The following CEP63 variants were observed in gnomAD, a reference collection of about 807,000 sequenced individuals.
CEP63 encodes centrosomal protein of 63 kDa.
A neutral mutation model predicts 89.1 loss-of-function variants in CEP63; 84 were observed. The ratio of observed to expected loss-of-function variants is 0.94; its 90% CI spans 0.79 to 1.13. The LOEUF (loss-of-function observed/expected upper bound fraction) is 1.13. Among genes scored for constraint, CEP63 ranks in the 50% most tolerant of loss-of-function variants. The probability of loss-of-function intolerance (pLI) is 0.00; values close to 1 mark genes in which losing one functional copy is unlikely to be tolerated. For synonymous variants in CEP63, 267 were observed against 272.5 expected (o/e 0.98, Z 0.20); for missense variants, 838 against 813.3 (o/e 1.03, Z -0.37).
chr3:134,616,085 T>A, the CEP63 span, among the ~76,000 whole-genome samples: 2 of 152,192 alleles, frequency 1.3e-5, no homozygotes, highest in African/African-American at 2.4e-5. Flanking sequence ...GTCTGGGGAA[T>A]TAAGCTTGGC....
the CEP63 span, among the ~76,000 whole-genome samples, chr3:134,638,424 A>C: frequency 3.3e-5 from 5 of 152,308 alleles, no homozygotes; most frequent in Non-Finnish European, 7.4e-5. Flanking sequence ...CTTGACTATT[A>C]ACCACCACAA....
chr3:134,518,736 C>T (rs1283818495), intron 3 of CEP63, among the ~76,000 whole-genome samples: 1 of 151,290 alleles, frequency 6.6e-6, no homozygotes, highest in Non-Finnish European at 1.5e-5. Flanking sequence ...TCTAAGTAGC[C>T]ATTTCAAGAA....
At chr3:134,688,342 G>T in the CEP63 span, among the ~76,000 whole-genome samples, 1 of 152,212 alleles carries the variant, frequency 6.6e-6, no homozygotes, top group Non-Finnish European at 1.5e-5. Context: ...AGACAAATCT[G>T]TAGAGACAGA....
At chr3:134,486,354 G>C in intron 1 of CEP63, 152 bp downstream of exon 1, 2 of 985,636 alleles carry the variant, frequency 2.0e-6, no homozygotes, top group Non-Finnish European at 2.4e-6. Context: ...CTTGCGGCCG[G>C]TTTGCGCAAC....
At position 134,558,235 on chromosome 3, in the gene CEP63, A is replaced by T; in HGVS notation, c.1561A>T (p.Met521Leu). The T allele has an allele frequency of 6.2e-7, 1 of 1,612,048 alleles. No homozygotes were observed. Among genetic ancestry groups the T allele is most frequent in the Non-Finnish European group, 8.5e-7 (1 of 1,178,134 alleles). The change falls in exon 13 of 15, where the codon ATG becomes TTG. Residue 521 changes from methionine (M) to leucine (L), a missense_variant. By Grantham distance (15) the Met-to-Leu change is conservative. Coordinates refer to ENST00000675561, the MANE Select transcript of CEP63 (RefSeq NM_001353108.3). ...AAATCAACAACTACAGAAAGATTTGATGAATACCAAATCTCAGCTGGAGAT... is the reference window on the plus strand; with the variant it reads ...AAATCAACAACTACAGAAAGATTTGTTGAATACCAAATCTCAGCTGGAGAT... ...SENQQLQKDL[M>L]NTKSQLEIST...
At chr3:134,600,304 C>G in the CEP63 span, among the ~76,000 whole-genome samples, 1 of 152,332 alleles carries the variant, frequency 6.6e-6, no homozygotes, top group African/African-American at 2.4e-5. Context: ...TTTTCAAGTC[C>G]TTTGAGAAGA....
the CEP63 span, among the ~76,000 whole-genome samples, chr3:134,712,841 G>T: frequency 6.6e-5 from 10 of 152,304 alleles, no homozygotes; most frequent in East Asian, 7.7e-4. Context: ...TACTTTTGCA[G>T]TTTCTTGCCT....
At chr3:134,644,644 G>A in the CEP63 span, among the ~76,000 whole-genome samples, 1 of 152,234 alleles carries the variant, frequency 6.6e-6, no homozygotes, top group Non-Finnish European at 1.5e-5. Flanking sequence ...AAACAAGTAT[G>A]CCTCTGGGGC....
chr3:134,529,678 T>C (rs1013464976), intron 3 of CEP63, among the ~76,000 whole-genome samples: 1 of 151,756 alleles, frequency 6.6e-6, no homozygotes, highest in Non-Finnish European at 1.5e-5. Context: ...TTTTCTTCTT[T>C]TCCTTTTTTG....
At chr3:134,757,641 A>T in the CEP63 span, among the ~76,000 whole-genome samples, 2 of 152,328 alleles carry the variant, frequency 1.3e-5, no homozygotes, top group East Asian at 3.9e-4. Flanking sequence ...ACTGAGTTTA[A>T]GTCAGATGTG....
chr3:134,769,721 A>C, the CEP63 span, among the ~76,000 whole-genome samples: 6 of 152,234 alleles, frequency 3.9e-5, no homozygotes, highest in African/African-American at 1.2e-4. Flanking sequence ...AGCTGTATGC[A>C]CTGCAGGAGA....
chr3:134,750,504 C>T, the CEP63 span, among the ~76,000 whole-genome samples: 2 of 152,158 alleles, frequency 1.3e-5, no homozygotes, highest in South Asian at 2.1e-4. Flanking sequence ...ATAGTGGCAG[C>T]GCTGCTCTGA....
In CEP63 at chr3:134,563,382, AAC is replaced by A. The variant is rs1957513295; in HGVS notation, c.*1849_*1850del. ...AGTTATCCTTTAGAAATGTAAATGA[AAC>A]AGTGTCACCACTGCTTCCCTTCAGA... is the stretch of plus-strand genomic sequence containing the variant. On this transcript the variant is annotated 3_prime_UTR_variant, in exon 15 of 15. Coordinates refer to ENST00000675561, the MANE Select transcript of CEP63 (RefSeq NM_001353108.3). 6.6e-6 allele frequency: 1 copy of A among 152,072 alleles called. No individual in the cohort carries two copies. The highest frequency in any genetic ancestry group is 1.5e-5 in the Non-Finnish European group (1 of 68,032). 9.4% of individuals were successfully genotyped at this position (152,072 alleles called of 1,614,324 possible). A position where few individuals can be genotyped will look rare whatever the true frequency, so the allele number is the denominator to read the frequency against.
chr3:134,604,416 C>T, the CEP63 span: 1 of 1,613,950 alleles, frequency 6.2e-7, no homozygotes, highest in Non-Finnish European at 8.5e-7. Context: ...TGCCATTGAG[C>T]ATGAACATGA....
chr3:134,548,042 T>C (rs1244604790), intron 9 of CEP63, among the ~76,000 whole-genome samples: 1 of 152,200 alleles, frequency 6.6e-6, no homozygotes, highest in Non-Finnish European at 1.5e-5. Context: ...ACTTGTGTCC[T>C]TTTTCTGTAG....
At chr3:134,493,557 C>T (rs181090710) in intron 1 of CEP63, among the ~76,000 whole-genome samples, 9 of 152,126 alleles carry the variant, frequency 5.9e-5, no homozygotes, top group Admixed American at 2.0e-4. Flanking sequence ...CTCCCTGTCA[C>T]GTTTGTGCAC....
intron 2 of CEP63, among the ~76,000 whole-genome samples, chr3:134,505,113 T>C (rs545000275): frequency 6.6e-6 from 1 of 152,364 alleles, no homozygotes; most frequent in South Asian, 2.1e-4. Context: ...TTTCATACAT[T>C]TCCTTTTCTT....
At chr3:134,587,090 G>T (rs1278794648) in intron 10 of CEP63, among the ~76,000 whole-genome samples, 1 of 152,110 alleles carries the variant, frequency 6.6e-6, no homozygotes. Flanking sequence ...TTAGCCATTC[G>T]TCTAACCTTT....
the CEP63 span, chr3:134,650,790 G>T: frequency 6.5e-7 from 1 of 1,533,916 alleles, no homozygotes; most frequent in East Asian, 2.4e-5. Flanking sequence ...CCAAGGTGCC[G>T]GGGGACCCGG....
Sources: gnomAD v4.1 joint callset for allele counts (sites outside exome capture counted in the v4.1 genomes callset) on GRCh38, gnomAD v4.1.1 for gene constraint, MANE v1.5 for transcripts, NCBI Gene and HGNC (gene_info 2026-07-23, HGNC 2026-07-21) for gene names.